SORCS1: variants seen among roughly 807,000 people sequenced by gnomAD.
SORCS1 encodes the protein VPS10 domain-containing receptor SorCS1.
Under a neutral mutation model 146.1 loss-of-function variants are expected in SORCS1, and 60 were observed. That is an observed-to-expected ratio of 0.41 (90% confidence interval 0.33 to 0.51). The LOEUF is 0.51. Ranked by LOEUF, SORCS1 falls within the 20% of genes least tolerant of loss-of-function variation. SORCS1 has a pLI of 0.21. For synonymous variants in SORCS1, 637 were observed against 584.0 expected, an observed-to-expected ratio of 1.09 and a Z score of -1.31; for missense variants, 1,352 against 1,487.6, an observed-to-expected ratio of 0.91 and a Z score of 1.50.
chr10:107,082,615 G>C (rs759883772), intron 1 of SORCS1, among the ~76,000 whole-genome samples: 1 of 152,082 alleles, frequency 6.6e-6, no homozygotes, highest in East Asian at 1.9e-4. Flanking sequence ...CAAAGTAGCT[G>C]GGATTACAGG....
At chr10:107,143,720 A>G (rs1482339623) in intron 1 of SORCS1, among the ~76,000 whole-genome samples, 2 of 151,950 alleles carry the variant, frequency 1.3e-5, no homozygotes, top group Admixed American at 1.3e-4. Context: ...TGATCAGGCT[A>G]GTCTTGACCT....
chr10:107,004,586 C>T (rs1299526030), intron 1 of SORCS1, among the ~76,000 whole-genome samples: 1 of 152,138 alleles, frequency 6.6e-6, no homozygotes, highest in Non-Finnish European at 1.5e-5. Context: ...ATCATCTCCA[C>T]TTGACCCCAC....
intron 3 of SORCS1, among the ~76,000 whole-genome samples, chr10:106,791,390 AT>A (rs1411765691): frequency 6.6e-6 from 1 of 152,168 alleles, no homozygotes. Context: ...TAGTAGTGAA[AT>A]TTATGGATAA....
At chr10:107,017,282 C>G (rs983415648) in intron 1 of SORCS1, among the ~76,000 whole-genome samples, 12 of 152,154 alleles carry the variant, frequency 7.9e-5, no homozygotes, top group Admixed American at 2.6e-4. Flanking sequence ...TAAATTAACT[C>G]TGGAATATTT....
At chr10:107,106,743 A>G (rs1456342348) in intron 1 of SORCS1, among the ~76,000 whole-genome samples, 4 of 152,044 alleles carry the variant, frequency 2.6e-5, no homozygotes, top group Non-Finnish European at 5.9e-5. Flanking sequence ...ATATGTTTAA[A>G]CCTTATACCT....
intron 12 of SORCS1, among the ~76,000 whole-genome samples, chr10:106,678,597 A>T (rs821930): frequency 0.8 from 121,447 of 152,184 alleles, 50,702 homozygotes; most frequent in Non-Finnish European, 0.93. Flanking sequence ...ATAACAACCA[A>T]GCATTAGGTG....
intron 14 of SORCS1, among the ~76,000 whole-genome samples, chr10:106,673,631 G>A (rs531824662): frequency 5.3e-5 from 8 of 152,284 alleles, no homozygotes; most frequent in Admixed American, 4.6e-4. Flanking sequence ...CATAAATGCT[G>A]TATTCTATGT....
At chr10:107,005,362 A>C (rs577755121) in intron 1 of SORCS1, among the ~76,000 whole-genome samples, 5 of 152,048 alleles carry the variant, frequency 3.3e-5, no homozygotes, top group Non-Finnish European at 7.4e-5. Context: ...GGTGGAGAAA[A>C]AGCTGAACAC....
chr10:106,891,837 G>A (rs1951249429), intron 2 of SORCS1, among the ~76,000 whole-genome samples: 1 of 152,160 alleles, frequency 6.6e-6, no homozygotes, highest in African/African-American at 2.4e-5. Flanking sequence ...TTAACAGGCT[G>A]TAGTTTTGAC....
chr10:106,709,157 C>A (rs1329178820), intron 7 of SORCS1, 66 bp downstream of exon 7: 13 of 1,295,918 alleles, frequency 1.0e-5, no homozygotes, highest in Non-Finnish European at 1.4e-5. Flanking sequence ...GTAAAGCAGG[C>A]AAAAGGGACA....
intron 1 of SORCS1, among the ~76,000 whole-genome samples, chr10:107,078,539 T>C (rs1288713119): frequency 1.3e-5 from 2 of 152,190 alleles, no homozygotes; most frequent in Non-Finnish European, 2.9e-5. Flanking sequence ...CCAAAAACAA[T>C]GAATGCCTTT....
intron 5 of SORCS1, among the ~76,000 whole-genome samples, chr10:106,756,698 A>G (rs1445020423): frequency 6.6e-6 from 1 of 152,320 alleles, no homozygotes; most frequent in East Asian, 1.9e-4. Flanking sequence ...AGTATTAATA[A>G]AACCAGCTCA....
rs558257719 is a variant in SORCS1 at position 106,642,993 on chromosome 10, A to G, written c.2475+9389T>C. 2.0e-5 allele frequency among the ~76,000 whole-genome samples: 3 copies of G among 152,312 alleles called. No homozygotes were observed. The South Asian group carries it at 6.2e-4, about 32-fold the overall frequency. ...TTTCTACTCCTTGATCTTTGTGACT[A>G]CTTATAATCCCAGCCGTGGGTTTCT... is the stretch of plus-strand genomic sequence containing the variant. On this transcript the variant is annotated intron_variant, in intron 18 of 25. Coordinates refer to ENST00000263054, the MANE Select transcript of SORCS1 (RefSeq NM_052918.5).
intron 17 of SORCS1, among the ~76,000 whole-genome samples, chr10:106,659,628 AAC>A (rs1439465443): frequency 1.3e-5 from 2 of 152,180 alleles, no homozygotes; most frequent in East Asian, 3.9e-4. Flanking sequence ...AGGAAAAGGA[AAC>A]ACAGTTTAGA....
At chr10:106,589,257 C>T (rs1845447276) in intron 24 of SORCS1, among the ~76,000 whole-genome samples, 1 of 152,140 alleles carries the variant, frequency 6.6e-6, no homozygotes, top group African/African-American at 2.4e-5. Context: ...CTTTTGCCTT[C>T]TCAAATAAAA....
At chr10:106,815,105 C>G (rs952644507) in intron 3 of SORCS1, among the ~76,000 whole-genome samples, 5 of 151,776 alleles carry the variant, frequency 3.3e-5, no homozygotes, top group Non-Finnish European at 7.4e-5. Context: ...GATACAGGTG[C>G]ATGCCACCAC....
intron 1 of SORCS1, among the ~76,000 whole-genome samples, chr10:107,100,375 G>A (rs1004497038): frequency 9.2e-5 from 14 of 152,130 alleles, no homozygotes; most frequent in African/African-American, 1.9e-4. Flanking sequence ...TTAGCTGGGC[G>A]TGGTGGCGGG....
chr10:106,864,569 C>T (rs1450466483), intron 2 of SORCS1, among the ~76,000 whole-genome samples: 1 of 152,154 alleles, frequency 6.6e-6, no homozygotes, highest in Non-Finnish European at 1.5e-5. Context: ...GAGGTTAGAC[C>T]CTCATATACA....
intron 6 of SORCS1, among the ~76,000 whole-genome samples, chr10:106,712,289 A>C (rs1412520029): frequency 6.6e-6 from 1 of 152,162 alleles, no homozygotes; most frequent in Non-Finnish European, 1.5e-5. Flanking sequence ...GGTCAACAGA[A>C]AGCAAGTTGT....
Sources: allele counts gnomAD v4.1 joint callset (sites outside exome capture counted in the v4.1 genomes callset), GRCh38; gene constraint gnomAD v4.1.1; transcripts MANE v1.5; gene names NCBI Gene and HGNC (gene_info 2026-07-23, HGNC 2026-07-21).